SLC35F4: variants seen among roughly 807,000 people sequenced by gnomAD.
The protein encoded by SLC35F4 is chromosome 14 open reading frame 36.
SLC35F4 carries 24 observed loss-of-function variants against 44.2 expected under a neutral mutation model. That is an observed-to-expected ratio of 0.54 (90% CI 0.39 to 0.76). The LOEUF (loss-of-function observed/expected upper bound fraction) is 0.76, where lower values mean the gene tolerates loss of function less well. SLC35F4 is among the 30% of genes least tolerant of loss of function. The probability of loss-of-function intolerance (pLI) is 0.00; values close to 1 mark genes in which losing one functional copy is unlikely to be tolerated. For synonymous variants in SLC35F4, 238 were observed against 223.6 expected, an observed-to-expected ratio of 1.06 and a Z score of -0.57; for missense variants, 562 against 586.1, an observed-to-expected ratio of 0.96 and a Z score of 0.42.
chr14:57,709,937 G>A (rs1415661821), intron 1 of SLC35F4, among the ~76,000 whole-genome samples: 3 of 152,158 alleles, frequency 2.0e-5, no homozygotes, highest in Admixed American at 6.5e-5. Context: ...CAATAGAAAC[G>A]AAAAACCCAT....
chr14:57,959,599 T>C (rs961915120), intron 1 of SLC35F4, among the ~76,000 whole-genome samples: 10 of 152,258 alleles, frequency 6.6e-5, no homozygotes, highest in Middle Eastern at 3.4e-3. Context: ...CCATGACAAA[T>C]GTGACCACTT....
At chr14:57,724,349 G>C (rs2076153474) in intron 1 of SLC35F4, among the ~76,000 whole-genome samples, 1 of 152,146 alleles carries the variant, frequency 6.6e-6, no homozygotes, top group Non-Finnish European at 1.5e-5. Flanking sequence ...GCAAGGCCCT[G>C]CCATCTTCTG....
At chr14:57,727,361 G>A (rs1025948300) in intron 1 of SLC35F4, among the ~76,000 whole-genome samples, 5 of 151,570 alleles carry the variant, frequency 3.3e-5, no homozygotes, top group African/African-American at 1.2e-4. Context: ...ACCAGTTTAT[G>A]TTTTGTTGAT....
At chr14:57,630,331 C>G in intron 1 of SLC35F4, 1 of 588,858 alleles carries the variant, frequency 1.7e-6, no homozygotes. Flanking sequence ...TCGTATAGTC[C>G]TAGAAACAGT....
At chr14:57,865,010 C>A (rs1888000327) in intron 1 of SLC35F4, among the ~76,000 whole-genome samples, 1 of 152,092 alleles carries the variant, frequency 6.6e-6, no homozygotes, top group Admixed American at 6.5e-5. Flanking sequence ...AAAGCGGTGA[C>A]CGCGACGTGC....
chr14:57,699,200 C>A (rs1446351866), intron 1 of SLC35F4, among the ~76,000 whole-genome samples: 1 of 152,106 alleles, frequency 6.6e-6, no homozygotes, highest in Non-Finnish European at 1.5e-5. Flanking sequence ...CCAATCATGA[C>A]TATTTAGCTC....
downstream of SLC35F4, among the ~76,000 whole-genome samples, chr14:57,974,981 C>T (rs1881173810): frequency 6.6e-6 from 1 of 152,200 alleles, no homozygotes; most frequent in Non-Finnish European, 1.5e-5. Context: ...TGGTTTACAA[C>T]TACTTGACTC....
intron 1 of SLC35F4, among the ~76,000 whole-genome samples, chr14:57,720,227 G>C (rs143254883): frequency 2.0e-5 from 3 of 152,066 alleles, no homozygotes; most frequent in South Asian, 2.1e-4. Context: ...TGTTGAATTT[G>C]GTTTGCTAGT....
At chr14:57,796,282 CT>C (rs2078052668) in intron 1 of SLC35F4, among the ~76,000 whole-genome samples, 1 of 152,088 alleles carries the variant, frequency 6.6e-6, no homozygotes, top group Non-Finnish European at 1.5e-5. Context: ...TTATGAACAA[CT>C]TTTAGAATGA....
At chr14:57,872,943 C>T (rs899555082) in intron 1 of SLC35F4, among the ~76,000 whole-genome samples, 4 of 152,234 alleles carry the variant, frequency 2.6e-5, no homozygotes, top group African/African-American at 2.4e-5. Context: ...GTCACTGGCA[C>T]ATACCCCTGC....
At chr14:57,672,457 T>C (rs527484512) in intron 1 of SLC35F4, among the ~76,000 whole-genome samples, 34 of 152,270 alleles carry the variant, frequency 2.2e-4, no homozygotes, top group African/African-American at 8.2e-4. Flanking sequence ...ATCTTTCTAA[T>C]GGTTTATTAT....
At chr14:57,599,377 A>T (rs993471351) in intron 1 of SLC35F4, among the ~76,000 whole-genome samples, 8 of 152,354 alleles carry the variant, frequency 5.3e-5, no homozygotes, top group Non-Finnish European at 8.8e-5. Flanking sequence ...TTGAGTCAGA[A>T]ATTCTGCAGT....
At chr14:57,914,056 C>T (rs2141053256) in intron 1 of SLC35F4, among the ~76,000 whole-genome samples, 1 of 152,224 alleles carries the variant, frequency 6.6e-6, no homozygotes, top group East Asian at 1.9e-4. Flanking sequence ...TATCTTTGCT[C>T]CTATATAGAT....
intron 1 of SLC35F4, among the ~76,000 whole-genome samples, chr14:57,951,708 G>C (rs1359170479): frequency 1.3e-5 from 2 of 152,180 alleles, no homozygotes; most frequent in Admixed American, 6.5e-5. Context: ...GCTCAACAAA[G>C]CTGCTATAGC....
chr14:57,707,589 T>C (rs2075709312), intron 1 of SLC35F4, among the ~76,000 whole-genome samples: 1 of 152,182 alleles, frequency 6.6e-6, no homozygotes, highest in African/African-American at 2.4e-5. Flanking sequence ...GTCTTGGGTA[T>C]TTCTTCATAG....
intron 1 of SLC35F4, among the ~76,000 whole-genome samples, chr14:57,633,730 C>T (rs1594651196): frequency 6.6e-6 from 1 of 152,210 alleles, no homozygotes; most frequent in South Asian, 2.1e-4. Context: ...TGTCTATTCT[C>T]CATCACTATA....
intron 1 of SLC35F4, among the ~76,000 whole-genome samples, chr14:57,735,381 G>T (rs1215078695): frequency 6.6e-6 from 1 of 152,204 alleles, no homozygotes; most frequent in Non-Finnish European, 1.5e-5. Flanking sequence ...CTGCAGGTTG[G>T]TGGAGCTGTT....
chr14:57,760,378 A>G (rs964391972), intron 1 of SLC35F4, among the ~76,000 whole-genome samples: 1 of 152,146 alleles, frequency 6.6e-6, no homozygotes, highest in East Asian at 1.9e-4. Flanking sequence ...ATTTTATTCC[A>G]TTAGTCTAAA....
chr14:57,932,206 T>C lies in SLC35F4; in HGVS notation n.282+49707A>G, dbSNP rs903396277. On this transcript the variant is annotated intron_variant and non_coding_transcript_variant, in intron 1 of 1. Transcript: ENST00000556568. The stretch of plus-strand genomic sequence containing the variant: ...GGTTATTTGGAGTGGTTTTTGTTGT[T>C]ATTTTAAGTAAAGCTTTCCACAGTT... Among the ~76,000 whole-genome samples, 123 of 152,334 alleles carry C rather than the reference T, an allele frequency of 8.1e-4. 1 individual carries two copies. Among genetic ancestry groups the C allele is most frequent in the Non-Finnish European group, 1.3e-3 (89 of 68,024 alleles).
Sources: gnomAD v4.1 joint callset for allele counts (sites outside exome capture counted in the v4.1 genomes callset) on GRCh38, gnomAD v4.1.1 for gene constraint, MANE v1.5 for transcripts, NCBI Gene and HGNC (gene_info 2026-07-23, HGNC 2026-07-21) for gene names.